PPP1R36: variants seen among roughly 807,000 people sequenced by gnomAD.
PPP1R36 encodes the protein protein phosphatase 1 regulatory subunit 36, also known as chromosome 14 open reading frame 50.
PPP1R36 carries 47 observed loss-of-function variants against 53.4 expected under a neutral mutation model. The observed-to-expected ratio is 0.88, with a 90% CI of 0.70 to 1.12. The LOEUF is 1.12. Ranked by LOEUF, PPP1R36 falls within the 50% of genes most tolerant of loss-of-function variation. The pLI is 0.00. For synonymous variants in PPP1R36, 153 were observed against 170.5 expected, an observed-to-expected ratio of 0.90 and a Z score of 0.80; for missense variants, 456 against 513.9, an observed-to-expected ratio of 0.89 and a Z score of 1.09.
intron 11 of PPP1R36, chr14:64,588,533 A>G (rs1386843841): frequency 1.2e-5 from 4 of 341,376 alleles, no homozygotes; most frequent in Admixed American, 4.7e-5. Context: ...AAATAGTTCT[A>G]GTTTGGAGGA....
intron 8 of PPP1R36, among the ~76,000 whole-genome samples, chr14:64,579,912 G>A (rs980939359): frequency 6.6e-6 from 1 of 152,214 alleles, no homozygotes; most frequent in Non-Finnish European, 1.5e-5. Context: ...GCAGCTTGCA[G>A]TGAGCTGAGA....
chr14:64,568,954 G>C (rs568753936), intron 7 of PPP1R36, among the ~76,000 whole-genome samples: 8 of 152,192 alleles, frequency 5.3e-5, no homozygotes, highest in African/African-American at 1.9e-4. Context: ...TGAAGGTGCA[G>C]ATATAGTTGT....
intron 8 of PPP1R36, among the ~76,000 whole-genome samples, chr14:64,579,471 G>A (rs1596744366): frequency 6.6e-6 from 1 of 152,146 alleles, no homozygotes; most frequent in Non-Finnish European, 1.5e-5. Context: ...TGTTGGTGGA[G>A]GTTCAGCTTG....
chr14:64,568,283 G>A (rs2080276028), intron 6 of PPP1R36, 66 bp from the exon 7 acceptor site: 3 of 611,656 alleles, frequency 4.9e-6, no homozygotes, highest in Non-Finnish European at 8.2e-6. Context: ...TATTTTTTAT[G>A]AGAAATCTTA....
intron 3 of PPP1R36, among the ~76,000 whole-genome samples, chr14:64,562,692 A>G (rs1001498678): frequency 6.6e-6 from 1 of 152,056 alleles, no homozygotes; most frequent in South Asian, 2.1e-4. Context: ...TAAATGCCAG[A>G]CTATTGGCTA....
chr14:64,578,840 A>G (rs2080363977), intron 8 of PPP1R36, among the ~76,000 whole-genome samples: 1 of 152,212 alleles, frequency 6.6e-6, no homozygotes, highest in African/African-American at 2.4e-5. Context: ...CACAATAGCA[A>G]AGACATGGAA....
chr14:64,555,194 CAA>C (rs1361262839), intron 3 of PPP1R36, among the ~76,000 whole-genome samples: 6 of 152,086 alleles, frequency 3.9e-5, no homozygotes, highest in African/African-American at 1.2e-4. Flanking sequence ...ACTTTGGAAA[CAA>C]AAGACATTCT....
rs1276239647 is a variant in PPP1R36 at position 64,550,005 on chromosome 14, G to A, written c.8G>A (p.Arg3Gln). The A allele has an allele frequency of 6.4e-7, 1 of 1,570,814 alleles. No individual in the cohort carries two copies. Among genetic ancestry groups the A allele is most frequent in the Non-Finnish European group, 8.6e-7 (1 of 1,157,914 alleles). Residue 3 changes from arginine to glutamine, a missense_variant, in exon 1 of 12, where the codon CGG becomes CAG. Arg to Gln is a conservative substitution (Grantham distance 43). Transcript: ENST00000298705. Reference protein sequence around the residue: MYRVPEFYARRKR... With the variant: MYQVPEFYARRKR... ...GGCTTCCAGGGCGAGGCCATGTACC[G>A]GGTGCCCGAGTTTTATGCGAGGAGG...
intron 3 of PPP1R36, among the ~76,000 whole-genome samples, chr14:64,563,115 C>T (rs184655896): frequency 6.6e-6 from 1 of 152,158 alleles, no homozygotes; most frequent in Non-Finnish European, 1.5e-5. Context: ...ATCTGCCTAC[C>T]TCGGCCTCCC....
At chr14:64,583,664 A>G (rs1290526483) in intron 8 of PPP1R36, among the ~76,000 whole-genome samples, 1 of 151,834 alleles carries the variant, frequency 6.6e-6, no homozygotes, top group African/African-American at 2.4e-5. Flanking sequence ...AAAATACAAA[A>G]TTAGCCAGGC....
intron 8 of PPP1R36, among the ~76,000 whole-genome samples, chr14:64,574,926 G>C (rs78088323): frequency 0.021 from 3,149 of 152,280 alleles, 103 homozygotes; most frequent in African/African-American, 0.073. Flanking sequence ...TGGTGGGGCC[G>C]GTAGTGCAGG....
At chr14:64,551,109 A>G (rs891583455) in intron 2 of PPP1R36, 124 bp downstream of exon 2, 19 of 640,372 alleles carry the variant, frequency 3.0e-5, no homozygotes, top group South Asian at 2.3e-4. Flanking sequence ...GAAGGAAACA[A>G]TCATTTCAGT....
At chr14:64,576,198 G>C (rs28407935) in intron 8 of PPP1R36, among the ~76,000 whole-genome samples, 1,762 of 148,940 alleles carry the variant, frequency 0.012, 38 homozygotes, top group African/African-American at 0.041. Flanking sequence ...CTCCTGTCTC[G>C]GCCTCCCGAG....
chr14:64,575,963 T>G (rs1440205467), intron 8 of PPP1R36, among the ~76,000 whole-genome samples: 1 of 151,954 alleles, frequency 6.6e-6, no homozygotes, highest in Non-Finnish European at 1.5e-5. Flanking sequence ...TTTAAGACAT[T>G]TTGTATTACC....
chr14:64,556,008 C>A (rs1395619989), intron 3 of PPP1R36, among the ~76,000 whole-genome samples: 1 of 152,176 alleles, frequency 6.6e-6, no homozygotes, highest in Non-Finnish European at 1.5e-5. Flanking sequence ...CCAAAGACCA[C>A]CAGTGCACCA....
intron 5 of PPP1R36, 79 bp downstream of exon 5, chr14:64,565,533 A>AGAT: frequency 7.0e-7 from 1 of 1,419,200 alleles, no homozygotes; most frequent in Non-Finnish European, 1.0e-6. Context: ...ACATCCGCCC[A>AGAT]TCTACATATA....
chr14:64,587,399 C>A, intron 10 of PPP1R36, 27 bp downstream of exon 10: 2 of 1,340,784 alleles, frequency 1.5e-6, no homozygotes, highest in Non-Finnish European at 2.0e-6. Context: ...TTCCTATGCT[C>A]AGGGGTATTT....
At position 64,556,127 on chromosome 14, in the gene PPP1R36, A is replaced by ATTTTTT. The variant is rs35877479; in HGVS notation, c.182+3281_182+3286dup. On this transcript the variant is annotated intron_variant, in intron 3 of 11. Transcript: ENST00000298705. ...CAAAATCTGAAGTCTTTGTAGATTGATTTTTTTTTTTTTTTTTTTTGAGAC... is the reference window on the plus strand; with the variant it reads ...CAAAATCTGAAGTCTTTGTAGATTGATTTTTTTTTTTTTTTTTTTTTTTTTTGAGAC... Among the ~76,000 whole-genome samples, 6 of 125,410 alleles carry ATTTTTT rather than the reference A, an allele frequency of 4.8e-5. 1 individual carries two copies. The highest frequency in any genetic ancestry group is 2.5e-4 in the South Asian group (1 of 4,074). The allele number at this position is 125,410 out of a possible 152,430, so 82.3% of individuals were successfully genotyped here.
chr14:64,573,080 G>A (rs919778283), intron 7 of PPP1R36, among the ~76,000 whole-genome samples: 53 of 152,140 alleles, frequency 3.5e-4, no homozygotes, highest in African/African-American at 1.2e-3. Context: ...ATTTGTCCCT[G>A]TTTAGAGTAA....
Sources: gnomAD v4.1 joint callset for allele counts (sites outside exome capture counted in the v4.1 genomes callset) on GRCh38, gnomAD v4.1.1 for gene constraint, MANE v1.5 for transcripts, NCBI Gene and HGNC (gene_info 2026-07-23, HGNC 2026-07-21) for gene names.